Variants in CHL1 observed in about 807,000 individuals in gnomAD.
CHL1 encodes cell adhesion molecule L1 like, also known as neural cell adhesion molecule L1-like protein.
CHL1 carries 96 observed loss-of-function variants against 141.9 expected under a neutral mutation model. That is an observed-to-expected ratio of 0.68 (90% CI 0.57 to 0.80). The LOEUF (loss-of-function observed/expected upper bound fraction) is 0.80. CHL1 is among the 30% of genes least tolerant of loss of function. The pLI is 0.00. For missense variants in CHL1, 1,820 were observed against 1,457.2 expected (o/e 1.25, Z -4.05); for synonymous variants, 613 against 502.2 (o/e 1.22, Z -2.95).
chr3:258,764 G>T (rs78660655), intron 2 of CHL1, among the ~76,000 whole-genome samples: 1 of 152,046 alleles, frequency 6.6e-6, no homozygotes, highest in African/African-American at 2.4e-5. Context: ...ACAAACGAAA[G>T]TGAGACAATT....
At chr3:345,161 A>G (rs957260511) in intron 9 of CHL1, among the ~76,000 whole-genome samples, 4 of 152,168 alleles carry the variant, frequency 2.6e-5, no homozygotes, top group African/African-American at 4.8e-5. Context: ...GGGGATGATG[A>G]TAACATTCTC....
At chr3:283,678 A>T (rs187477780) in intron 2 of CHL1, among the ~76,000 whole-genome samples, 1 of 152,308 alleles carries the variant, frequency 6.6e-6, no homozygotes, top group Admixed American at 6.5e-5. Context: ...GGGCTTGATC[A>T]TTCATTGTGT....
chr3:315,932 G>A (rs1575046356), intron 2 of CHL1, among the ~76,000 whole-genome samples: 1 of 152,070 alleles, frequency 6.6e-6, no homozygotes, highest in Non-Finnish European at 1.5e-5. Flanking sequence ...GCTTCCCAGA[G>A]GAAAAGGCTG....
chr3:261,053 C>G (rs1304857589), intron 2 of CHL1, among the ~76,000 whole-genome samples: 1 of 152,066 alleles, frequency 6.6e-6, no homozygotes, highest in Non-Finnish European at 1.5e-5. Flanking sequence ...GCTGTTAAAC[C>G]TTATAATAAC....
intron 16 of CHL1, among the ~76,000 whole-genome samples, chr3:381,457 G>A (rs190446570): frequency 6.6e-6 from 1 of 152,344 alleles, no homozygotes; most frequent in Non-Finnish European, 1.5e-5. Context: ...AACCTCCCCA[G>A]TGGCTTGCAG....
intron 2 of CHL1, among the ~76,000 whole-genome samples, chr3:312,970 T>C (rs1304682287): frequency 6.6e-6 from 1 of 152,212 alleles, no homozygotes; most frequent in Non-Finnish European, 1.5e-5. Context: ...TGTTTAATGA[T>C]TTTGCATGCA....
intron 15 of CHL1, chr3:376,357 G>A (rs754618413): frequency 3.9e-6 from 2 of 511,062 alleles, no homozygotes; most frequent in Non-Finnish European, 7.8e-6. Context: ...AATGGCCCTT[G>A]CCCCATCTCC....
chr3:212,622 C>T (rs1198693541), intron 1 of CHL1, among the ~76,000 whole-genome samples: 1 of 152,214 alleles, frequency 6.6e-6, no homozygotes, highest in Non-Finnish European at 1.5e-5. Context: ...AAAATTTCCC[C>T]TGGCTCCCTA....
chr3:275,656 T>C (rs1208037621), intron 2 of CHL1, among the ~76,000 whole-genome samples: 2 of 152,142 alleles, frequency 1.3e-5, no homozygotes, highest in East Asian at 1.9e-4. Flanking sequence ...TGTTTGGCCT[T>C]TTTTCCAAGA....
chr3:212,411 C>T (rs1285829739), intron 1 of CHL1, among the ~76,000 whole-genome samples: 1 of 152,108 alleles, frequency 6.6e-6, no homozygotes, highest in South Asian at 2.1e-4. Context: ...TTCAACTTTC[C>T]CCTCAATACA....
chr3:375,869 T>C (rs1338828683), intron 15 of CHL1, among the ~76,000 whole-genome samples: 3 of 152,136 alleles, frequency 2.0e-5, no homozygotes, highest in Non-Finnish European at 2.9e-5. Flanking sequence ...AAAGAGAGAA[T>C]CGTTTTGTCA....
chr3:308,807 C>G (rs999521454), intron 2 of CHL1: 3 of 160,880 alleles, frequency 1.9e-5, no homozygotes, highest in African/African-American at 7.2e-5. Context: ...CGGCCCCATC[C>G]TTATGCGATG....
At chr3:342,525 T>C (rs547678250) in intron 7 of CHL1, among the ~76,000 whole-genome samples, 25 of 152,238 alleles carry the variant, frequency 1.6e-4, no homozygotes, top group African/African-American at 5.8e-4. Context: ...CTTGATTCTG[T>C]GGAGGCCAGC....
intron 2 of CHL1, among the ~76,000 whole-genome samples, chr3:275,414 T>G (rs1233286624): frequency 6.6e-6 from 1 of 152,224 alleles, no homozygotes; most frequent in Admixed American, 6.5e-5. Context: ...TCTTTTAAAC[T>G]TCATAATATT....
chr3:282,233 A>T (rs1184903444), intron 2 of CHL1, among the ~76,000 whole-genome samples: 2 of 152,222 alleles, frequency 1.3e-5, no homozygotes, highest in Non-Finnish European at 2.9e-5. Context: ...TTAACTTAAT[A>T]GTATACAGAA....
chr3:347,825 A>C (rs1702893717), intron 9 of CHL1, among the ~76,000 whole-genome samples: 2 of 152,160 alleles, frequency 1.3e-5, no homozygotes, highest in African/African-American at 4.8e-5. Flanking sequence ...ACCATTTCCT[A>C]CACAAGCGTG....
rs149991294 is a variant in CHL1, at chr3:302,033, A to T, written c.-94-17650A>T. On this transcript the variant is annotated intron_variant, in intron 2 of 27. Transcript: ENST00000256509. The stretch of plus-strand genomic sequence containing the variant: ...CTGATCTTGTGATAGCTTGCTGAGA[A>T]TGATGGTTTCCAGCTTTATCCATGT... Among the ~76,000 whole-genome samples the T allele has an allele frequency of 3.0e-3, 452 of 152,256 alleles. 2 individuals carry two copies. Among genetic ancestry groups the T allele is most frequent in the African/African-American group, 0.01 (423 of 41,532 alleles).
chr3:249,367 C>T (rs1415087286), intron 2 of CHL1, among the ~76,000 whole-genome samples: 7 of 152,042 alleles, frequency 4.6e-5, no homozygotes, highest in African/African-American at 1.4e-4. Context: ...TTTACCACAA[C>T]ATCCCCACCC....
At chr3:281,957 C>G (rs1450534303) in intron 2 of CHL1, among the ~76,000 whole-genome samples, 1 of 152,326 alleles carries the variant, frequency 6.6e-6, no homozygotes, top group East Asian at 1.9e-4. Flanking sequence ...ATTTCAAAAA[C>G]TATTCTGCTA....
Sources: allele counts gnomAD v4.1 joint callset (sites outside exome capture counted in the v4.1 genomes callset), GRCh38; gene constraint gnomAD v4.1.1; transcripts MANE v1.5; gene names NCBI Gene and HGNC (gene_info 2026-07-23, HGNC 2026-07-21).